The following SLIT2 variants were observed in gnomAD, a reference collection of about 807,000 sequenced individuals.
SLIT2 encodes slit guidance ligand 2.
A neutral mutation model predicts 185.7 loss-of-function variants in SLIT2; 41 were observed. The ratio of observed to expected loss-of-function variants is 0.22; its 90% CI spans 0.17 to 0.29. The LOEUF (loss-of-function observed/expected upper bound fraction) is 0.29, where lower values mean the gene tolerates loss of function less well. Ranked by LOEUF, SLIT2 falls within the 10% of genes least tolerant of loss-of-function variation. The pLI, the probability that SLIT2 is intolerant of heterozygous loss-of-function variation, is 1.00. For missense variants in SLIT2, 1,571 were observed against 1,909.0 expected, an observed-to-expected ratio of 0.82 and a Z score of 3.30; for synonymous variants, 693 against 680.2, an observed-to-expected ratio of 1.02 and a Z score of -0.29.
chr4:20,455,713 T>C (rs1712996509), intron 4 of SLIT2, among the ~76,000 whole-genome samples: 1 of 151,990 alleles, frequency 6.6e-6, no homozygotes, highest in Admixed American at 6.6e-5. Flanking sequence ...GTCCTGAGAT[T>C]ATGGTGATGG....
In SLIT2 at chr4:20,504,037, T is replaced by A. The variant is rs544090711; in HGVS notation, c.915-6458T>A. Reference sequence around the variant, plus strand: ...ATGCTGTAGGCTAAAATATGTTGGATCATTTTATGTAGAAATATATGAAAG... The same window carrying A: ...ATGCTGTAGGCTAAAATATGTTGGAACATTTTATGTAGAAATATATGAAAG... On this transcript the variant is annotated intron_variant, in intron 9 of 36. Coordinates refer to ENST00000504154, the MANE Select transcript of SLIT2 (RefSeq NM_004787.4). Among the ~76,000 whole-genome samples, 91 of 152,312 alleles carry A rather than the reference T, an allele frequency of 6.0e-4. No homozygotes were observed. In the Middle Eastern group the frequency reaches 0.02, roughly 34 times the overall value.
intron 33 of SLIT2, among the ~76,000 whole-genome samples, chr4:20,601,836 A>G (rs987968402): frequency 1.3e-5 from 2 of 152,154 alleles, no homozygotes; most frequent in African/African-American, 4.8e-5. Flanking sequence ...ACTTAAGTTC[A>G]GTTTTATTGC....
intron 4 of SLIT2, among the ~76,000 whole-genome samples, chr4:20,298,029 G>A (rs976791467): frequency 1.3e-5 from 2 of 151,670 alleles, no homozygotes; most frequent in African/African-American, 4.8e-5. Flanking sequence ...TTGAGTACTG[G>A]ATCCTAAAGG....
chr4:20,552,692 C>T (rs933226215), intron 25 of SLIT2: 1 of 151,996 alleles, frequency 6.6e-6, no homozygotes, highest in African/African-American at 2.4e-5. Flanking sequence ...TCCACAGTAT[C>T]GAGTATTATG....
At chr4:20,544,037 TG>T (rs1475960853) in intron 21 of SLIT2, among the ~76,000 whole-genome samples, 2 of 151,586 alleles carry the variant, frequency 1.3e-5, no homozygotes, top group Non-Finnish European at 2.9e-5. Flanking sequence ...TGTGGGGGGA[TG>T]GGGGAGGGAT....
At chr4:20,494,636 G>A (rs774171608) in intron 9 of SLIT2, among the ~76,000 whole-genome samples, 7 of 151,910 alleles carry the variant, frequency 4.6e-5, no homozygotes, top group Non-Finnish European at 7.4e-5. Flanking sequence ...AAAATTAGCC[G>A]GGCGTGGTCG....
At chr4:20,282,524 A>G (rs1207555155) in intron 4 of SLIT2, among the ~76,000 whole-genome samples, 2 of 152,158 alleles carry the variant, frequency 1.3e-5, no homozygotes, top group Non-Finnish European at 2.9e-5. Context: ...TTACTATACT[A>G]ATTTTATATT....
Position 20,619,124 on chromosome 4 carries a change from C to A in SLIT2, c.*115C>A. On this transcript the variant is annotated 3_prime_UTR_variant, in exon 37 of 37. Transcript: ENST00000504154. Reference sequence around the variant, plus strand: ...AATATATTGTAAAATACAGAACAGACTTATTTTTATTATGAGAATAAAGAC... The same window carrying A: ...AATATATTGTAAAATACAGAACAGAATTATTTTTATTATGAGAATAAAGAC... The A allele has an allele frequency of 8.7e-6, 9 of 1,037,884 alleles. No individual in the cohort carries two copies. Among genetic ancestry groups the A allele is most frequent in the Non-Finnish European group, 1.1e-5 (8 of 754,632 alleles). 64.3% of individuals were successfully genotyped at this position (1,037,884 alleles called of 1,614,324 possible).
chr4:20,391,346 G>C (rs1255748309), intron 4 of SLIT2, among the ~76,000 whole-genome samples: 1 of 152,024 alleles, frequency 6.6e-6, no homozygotes, highest in African/African-American at 2.4e-5. Context: ...ATGAGATGGA[G>C]ATACAACAGT....
rs375285021 is a variant in SLIT2 at position 20,583,120 on chromosome 4, C to T, written c.3089-6524C>T. ...CTGAAACCACAGAAAACAAAACTGC[C>T]GATAAAGGGGGACTACTTTACTTGG... On this transcript the variant is annotated intron_variant, in intron 29 of 36. Coordinates refer to ENST00000504154, the MANE Select transcript of SLIT2 (RefSeq NM_004787.4). 3.9e-5 allele frequency among the ~76,000 whole-genome samples: 6 copies of T among 152,276 alleles called. No individual in the cohort carries two copies. The South Asian group carries it at 6.2e-4, about 16-fold the overall frequency.
chr4:20,541,294 A>G (rs530922979), intron 19 of SLIT2, among the ~76,000 whole-genome samples, 159 bp from the exon 20 acceptor site: 4 of 152,310 alleles, frequency 2.6e-5, no homozygotes, highest in African/African-American at 7.2e-5. Context: ...AATGCATCTC[A>G]TATACTGCAT....
intron 4 of SLIT2, among the ~76,000 whole-genome samples, chr4:20,327,814 G>T (rs1161877865): frequency 1.3e-5 from 2 of 151,912 alleles, no homozygotes; most frequent in African/African-American, 2.4e-5. Context: ...TTGAATTATG[G>T]GACTCTGATT....
intron 4 of SLIT2, among the ~76,000 whole-genome samples, chr4:20,465,410 T>C (rs1216267140): frequency 6.6e-6 from 1 of 152,162 alleles, no homozygotes; most frequent in Admixed American, 6.5e-5. Context: ...TAGTAGGTAC[T>C]AAAAATTTGT....
chr4:20,573,254 GA>G (rs1283787383), intron 29 of SLIT2: 4 of 702,918 alleles, frequency 5.7e-6, no homozygotes, highest in South Asian at 4.4e-5. Context: ...GAATGAGGTG[GA>G]AAAAGGTTAG....
chr4:20,401,760 C>G (rs2109400290), intron 4 of SLIT2, among the ~76,000 whole-genome samples: 1 of 151,910 alleles, frequency 6.6e-6, no homozygotes. Context: ...GATTCTTCAT[C>G]TAAAAATGGG....
intron 33 of SLIT2, among the ~76,000 whole-genome samples, chr4:20,601,991 T>C (rs566910549): frequency 1.3e-5 from 2 of 152,306 alleles, no homozygotes; most frequent in South Asian, 4.1e-4. Context: ...ATTCTCCACA[T>C]TGAAGAAAAT....
intron 4 of SLIT2, among the ~76,000 whole-genome samples, chr4:20,439,790 G>C (rs1289052240): frequency 1.3e-5 from 2 of 152,110 alleles, no homozygotes; most frequent in East Asian, 1.9e-4. Context: ...CAAAGATTTA[G>C]TAATATGTAT....
At chr4:20,346,016 C>T (rs1475446240) in intron 4 of SLIT2, among the ~76,000 whole-genome samples, 1 of 150,926 alleles carries the variant, frequency 6.6e-6, no homozygotes, top group East Asian at 2.0e-4. Context: ...GTTTTGGAGA[C>T]AGAGTCTTTC....
chr4:20,562,135 A>T, intron 26 of SLIT2, among the ~76,000 whole-genome samples: 1 of 151,812 alleles, frequency 6.6e-6, no homozygotes, highest in East Asian at 1.9e-4. Context: ...AACCTCTGTC[A>T]TCTGGAGATC....
Sources: gnomAD v4.1 joint callset for allele counts (sites outside exome capture counted in the v4.1 genomes callset) on GRCh38, gnomAD v4.1.1 for gene constraint, MANE v1.5 for transcripts, NCBI Gene and HGNC (gene_info 2026-07-23, HGNC 2026-07-21) for gene names.